Variants in EBF2 observed in about 807,000 individuals in gnomAD.
The protein encoded by EBF2 is transcription factor COE2.
Under a neutral mutation model 72.8 loss-of-function variants are expected in EBF2, and 21 were observed. The observed-to-expected ratio is 0.29, with a 90% CI of 0.20 to 0.42. The LOEUF is 0.42. EBF2 is among the 10% of genes least tolerant of loss of function. The pLI, the probability that EBF2 is intolerant of heterozygous loss-of-function variation, is 1.00. For synonymous variants in EBF2, 299 were observed against 274.2 expected, an observed-to-expected ratio of 1.09 and a Z score of -0.89; for missense variants, 637 against 731.2, an observed-to-expected ratio of 0.87 and a Z score of 1.49.
At chr8:25,986,754 G>T (rs1444973462) in intron 6 of EBF2, among the ~76,000 whole-genome samples, 2 of 152,210 alleles carry the variant, frequency 1.3e-5, no homozygotes, top group Non-Finnish European at 2.9e-5. Context: ...TCTGTCAGTT[G>T]TAACAGACAT....
intron 5 of EBF2, among the ~76,000 whole-genome samples, chr8:26,037,479 G>A (rs1289419761): frequency 1.3e-5 from 2 of 152,136 alleles, no homozygotes; most frequent in East Asian, 3.9e-4. Flanking sequence ...TCCTCCCTGC[G>A]ATTGCATAAC....
intron 9 of EBF2, among the ~76,000 whole-genome samples, chr8:25,887,451 T>C (rs1802710568): frequency 6.6e-6 from 1 of 152,224 alleles, no homozygotes; most frequent in African/African-American, 2.4e-5. Context: ...ATTAACATCA[T>C]AAAGACAATC....
At chr8:25,922,655 C>T (rs1803323497) in intron 6 of EBF2, among the ~76,000 whole-genome samples, 2 of 152,114 alleles carry the variant, frequency 1.3e-5, no homozygotes. Context: ...GCATCTAGTC[C>T]CCAAAAGTTG....
intron 9 of EBF2, 115 bp downstream of exon 9, chr8:25,887,727 G>T (rs1326468822): frequency 1.6e-6 from 2 of 1,240,386 alleles, no homozygotes; most frequent in Non-Finnish European, 2.1e-6. Context: ...AGAAACCCAT[G>T]CCTGATTTAC....
intron 6 of EBF2, among the ~76,000 whole-genome samples, chr8:25,942,696 C>T (rs918311523): frequency 2.0e-5 from 3 of 152,228 alleles, no homozygotes; most frequent in South Asian, 4.1e-4. Flanking sequence ...GCACATATCT[C>T]GTTTCCTTGA....
chr8:26,004,276 TAAA>T (rs1486756655), intron 6 of EBF2, among the ~76,000 whole-genome samples: 1 of 152,174 alleles, frequency 6.6e-6, no homozygotes, highest in Admixed American at 6.5e-5. Context: ...TAAATTTTGG[TAAA>T]ATAGTTGCAA....
At chr8:25,961,974 A>G (rs961563000) in intron 6 of EBF2, among the ~76,000 whole-genome samples, 6 of 152,212 alleles carry the variant, frequency 3.9e-5, no homozygotes, top group Non-Finnish European at 7.3e-5. Context: ...TATTTTCCAC[A>G]GTTGTAGCAT....
chr8:26,012,096 T>G (rs1466166880), intron 6 of EBF2, among the ~76,000 whole-genome samples: 1 of 152,218 alleles, frequency 6.6e-6, no homozygotes, highest in Non-Finnish European at 1.5e-5. Context: ...CCTGTTTATT[T>G]TTTCACTTCT....
intron 14 of EBF2, among the ~76,000 whole-genome samples, chr8:25,853,527 T>C (rs971778727): frequency 4.6e-5 from 7 of 150,904 alleles, no homozygotes; most frequent in Admixed American, 4.0e-4. Flanking sequence ...GGGAAACATA[T>C]AATAATCTTT....
chr8:26,037,531 G>A (rs2117262546), intron 5 of EBF2, among the ~76,000 whole-genome samples: 1 of 152,288 alleles, frequency 6.6e-6, no homozygotes, highest in East Asian at 1.9e-4. Flanking sequence ...TAAAGACACT[G>A]GCCCCACTGC....
rs140287953 is a variant in EBF2 at position 25,847,234 on chromosome 8, T to C, written c.1697-2594A>G. 5.0e-3 allele frequency among the ~76,000 whole-genome samples: 755 copies of C among 152,170 alleles called. 7 individuals carry two copies. Among genetic ancestry groups the C allele is most frequent in the African/African-American group, 0.017 (720 of 41,530 alleles). On this transcript the variant is annotated intron_variant, in intron 15 of 15. Transcript: ENST00000520164. ...GGGCAGCATATGCCTTTGCAGACAATGAAGTCTAGAGAAGGGCCCCTCCCC... is the reference window on the plus strand; with the variant it reads ...GGGCAGCATATGCCTTTGCAGACAACGAAGTCTAGAGAAGGGCCCCTCCCC...
chr8:25,961,650 C>T (rs1459652134), intron 6 of EBF2, among the ~76,000 whole-genome samples: 1 of 152,122 alleles, frequency 6.6e-6, no homozygotes, highest in Non-Finnish European at 1.5e-5. Context: ...TATGAACTAC[C>T]GCGCCCAGCC....
intron 6 of EBF2, among the ~76,000 whole-genome samples, chr8:25,977,597 T>G (rs1439768626): frequency 6.6e-6 from 1 of 152,170 alleles, no homozygotes; most frequent in African/African-American, 2.4e-5. Context: ...GTCAGGAGCA[T>G]GAAGAAAGCA....
chr8:26,028,555 G>T (rs1805341690), intron 6 of EBF2, among the ~76,000 whole-genome samples: 1 of 152,158 alleles, frequency 6.6e-6, no homozygotes, highest in Non-Finnish European at 1.5e-5. Context: ...ACATTAGTCA[G>T]ACTGTCCCTA....
intron 9 of EBF2, 43 bp from the exon 10 acceptor site, chr8:25,886,924 A>C (rs1802699343): frequency 6.2e-7 from 1 of 1,601,870 alleles, no homozygotes; most frequent in African/African-American, 1.3e-5. Flanking sequence ...CCATTAGACA[A>C]GCCATCACCA....
At chr8:25,874,842 A>C in intron 10 of EBF2, among the ~76,000 whole-genome samples, 1 of 142,194 alleles carries the variant, frequency 7.0e-6, no homozygotes, top group Non-Finnish European at 1.5e-5. Flanking sequence ...ATGCCCCACC[A>C]GCCTGGCTAA....
At chr8:25,862,564 G>C in intron 11 of EBF2, 145 bp downstream of exon 11, 1 of 451,094 alleles carries the variant, frequency 2.2e-6, no homozygotes, top group Non-Finnish European at 4.0e-6. Context: ...TTTCATAGCA[G>C]ATATTTTATG....
intron 6 of EBF2, among the ~76,000 whole-genome samples, chr8:25,922,141 C>T (rs945888432): frequency 1.3e-5 from 2 of 152,080 alleles, no homozygotes; most frequent in Non-Finnish European, 2.9e-5. Context: ...CCCCACTTTG[C>T]TGAAAACCAG....
At chr8:26,025,421 T>G (rs1162738264) in intron 6 of EBF2, among the ~76,000 whole-genome samples, 1 of 152,106 alleles carries the variant, frequency 6.6e-6, no homozygotes, top group Non-Finnish European at 1.5e-5. Context: ...CATAAGGACT[T>G]AGCAAGTGAA....
Sources: gnomAD v4.1 joint callset for allele counts (sites outside exome capture counted in the v4.1 genomes callset) on GRCh38, gnomAD v4.1.1 for gene constraint, MANE v1.5 for transcripts, NCBI Gene and HGNC (gene_info 2026-07-23, HGNC 2026-07-21) for gene names.